ARHGEF9: variants seen among roughly 807,000 people sequenced by gnomAD.
ARHGEF9 encodes the protein rho guanine nucleotide exchange factor 9.
In ARHGEF9, 2 loss-of-function variants were observed where a neutral mutation model predicts 41.3. That is an observed-to-expected ratio of 0.05 (90% confidence interval 0.02 to 0.15). The LOEUF is 0.15. Ranked by LOEUF, ARHGEF9 falls within the 10% of genes least tolerant of loss-of-function variation. The pLI is 1.00. For synonymous variants in ARHGEF9, 160 were observed against 154.4 expected (o/e 1.04, Z -0.27); for missense variants, 225 against 424.7 (o/e 0.53, Z 4.13).
chrX:63,705,092 C>A (rs1569481010), intron 3 of ARHGEF9, among the ~76,000 whole-genome samples: 1 of 112,231 alleles, frequency 8.9e-6, no homozygotes. Context: ...CATTTTAACT[C>A]TTCAACAACC....
chrX:63,699,608 TTTTC>T (rs1221690937), intron 3 of ARHGEF9, among the ~76,000 whole-genome samples: 1 of 112,191 alleles, frequency 8.9e-6, no homozygotes, highest in Non-Finnish European at 1.9e-5. Context: ...AAGGAAATCA[TTTTC>T]TTTCTATTAT....
chrX:63,645,464 C>T (rs782627970), intron 8 of ARHGEF9, among the ~76,000 whole-genome samples: 3 of 110,994 alleles, frequency 2.7e-5, no homozygotes, highest in East Asian at 2.8e-4. Context: ...TACCTATGAG[C>T]GAGAACGTGC....
At chrX:63,731,902 T>C (rs1337122824) in intron 1 of ARHGEF9, 1 of 111,361 alleles carries the variant, frequency 9.0e-6, no homozygotes, top group Non-Finnish European at 1.9e-5. Flanking sequence ...ACTGGAACCA[T>C]ACAGATGACC....
chrX:63,698,397 G>C (rs2051923960), intron 3 of ARHGEF9, among the ~76,000 whole-genome samples: 1 of 110,307 alleles, frequency 9.1e-6, no homozygotes, highest in Non-Finnish European at 1.9e-5. Context: ...TCTTCCATTT[G>C]GAACCTACTA....
At chrX:63,647,130 C>A (rs782677165) in intron 8 of ARHGEF9, among the ~76,000 whole-genome samples, 2 of 111,294 alleles carry the variant, frequency 1.8e-5, no homozygotes, top group Admixed American at 1.9e-4. Flanking sequence ...GAGATTTTGG[C>A]CTGAGACGAT....
In ARHGEF9 at chrX:63,670,580, T is replaced by C. The variant is rs1381202612; in HGVS notation, c.945+3458A>G. Among the ~76,000 whole-genome samples, 6 of 111,233 alleles carry C rather than the reference T, an allele frequency of 5.4e-5. No individual in the cohort carries two copies. In the East Asian group the frequency reaches 1.7e-3, roughly 31 times the overall value. On this transcript the variant is annotated intron_variant, in intron 6 of 9. Coordinates refer to ENST00000671741, the MANE Select transcript of ARHGEF9 (RefSeq NM_001353921.2). ...AAGAAGCTATCCAGGATATGTTACC[T>C]TTCCCTTGTTTTCAAGTGGATTAAA...
At position 63,665,881 on chromosome X, in the gene ARHGEF9, G is replaced by A. The variant is rs2049507995; in HGVS notation, c.1077+5C>T. ...CTCCCTCAGGGAAGAAGGGGGCAGG[G>A]TTACCTTCTTGCAGAGGACCATCTG... On this transcript the variant is annotated splice_donor_5th_base_variant and intron_variant, in intron 7 of 9. Coordinates refer to ENST00000671741, the MANE Select transcript of ARHGEF9 (RefSeq NM_001353921.2). 3.3e-6 allele frequency: 4 copies of A among 1,210,429 alleles called. No individual in the cohort carries two copies. Among genetic ancestry groups the A allele is most frequent in the Non-Finnish European group, 4.5e-6 (4 of 894,979 alleles).
At chrX:63,719,461 C>A (rs1454039714) in intron 2 of ARHGEF9, among the ~76,000 whole-genome samples, 2 of 112,163 alleles carry the variant, frequency 1.8e-5, no homozygotes, top group African/African-American at 6.5e-5. Flanking sequence ...CAGAAGGGGA[C>A]AACATCACTA....
intron 2 of ARHGEF9, 38 bp from the exon 3 acceptor site, chrX:63,706,487 T>G (rs2052554043): frequency 8.6e-7 from 1 of 1,167,233 alleles, no homozygotes; most frequent in African/African-American, 1.8e-5. Flanking sequence ...TGAGTTAGCT[T>G]CCTTCTTTGG....
chrX:63,735,948 G>A (rs2147693383), intron 1 of ARHGEF9, among the ~76,000 whole-genome samples: 1 of 112,060 alleles, frequency 8.9e-6, no homozygotes, highest in South Asian at 3.7e-4. Flanking sequence ...CAAGGCCAAG[G>A]CACCTAGCAA....
intron 1 of ARHGEF9, among the ~76,000 whole-genome samples, chrX:63,728,750 C>G (rs1556418627): frequency 8.9e-6 from 1 of 111,768 alleles, no homozygotes; most frequent in Admixed American, 9.5e-5. Flanking sequence ...TAGTACAAGA[C>G]TTCAGAGAAA....
rs1314331315 is a variant in ARHGEF9, at chrX:63,707,201, TG to T, written c.211-753del. Reference sequence around the variant, plus strand: ...CTCTAGAGCCTATGCTTTTAAACACTGTGCTAGAATCTTTGTGCCTCTGGTT... The same window carrying T: ...CTCTAGAGCCTATGCTTTTAAACACTTGCTAGAATCTTTGTGCCTCTGGTT... On this transcript the variant is annotated intron_variant, in intron 2 of 9. Transcript: ENST00000671741. Among the ~76,000 whole-genome samples the T allele has an allele frequency of 7.2e-5, 8 of 110,694 alleles. No individual in the cohort carries two copies. In the East Asian group the frequency reaches 2.0e-3, roughly 28 times the overall value.
chrX:63,757,972 T>C (rs1222033025), intron 1 of ARHGEF9, among the ~76,000 whole-genome samples: 2 of 112,237 alleles, frequency 1.8e-5, no homozygotes, highest in African/African-American at 6.5e-5. Flanking sequence ...ATGCACAGTA[T>C]TTAGAAGGAG....
chrX:63,752,073 C>CA (rs376772080), intron 1 of ARHGEF9, among the ~76,000 whole-genome samples: 1,282 of 110,807 alleles, frequency 0.012, 22 homozygotes, highest in African/African-American at 0.04. Context: ...AATAACTAGG[C>CA]AAAAAAAACC....
intron 6 of ARHGEF9, among the ~76,000 whole-genome samples, chrX:63,667,624 G>A (rs1471495461): frequency 9.0e-6 from 1 of 110,647 alleles, no homozygotes; most frequent in Non-Finnish European, 1.9e-5. Context: ...GTGTATTCGA[G>A]CATACCATTT....
chrX:63,678,730 AAAC>A (rs1556365750), intron 4 of ARHGEF9, among the ~76,000 whole-genome samples, 158 bp from the exon 5 acceptor site: 1 of 112,620 alleles, frequency 8.9e-6, no homozygotes, highest in Non-Finnish European at 1.9e-5. Flanking sequence ...ATAAATATCA[AAAC>A]AAATTATTCA....
At chrX:63,714,017 T>A (rs1425905327) in intron 2 of ARHGEF9, among the ~76,000 whole-genome samples, 5 of 111,750 alleles carry the variant, frequency 4.5e-5, no homozygotes, top group Non-Finnish European at 7.5e-5. Flanking sequence ...GCAATGAAAA[T>A]TTTTGTTATA....
chrX:63,723,309 T>C (rs1227279296), intron 2 of ARHGEF9, among the ~76,000 whole-genome samples: 6 of 111,522 alleles, frequency 5.4e-5, no homozygotes, highest in Non-Finnish European at 9.4e-5. Flanking sequence ...CCAAAAGCTA[T>C]AGAGCTAGAA....
At chrX:63,695,215 C>T (rs1376529835) in intron 4 of ARHGEF9, among the ~76,000 whole-genome samples, 13 of 112,005 alleles carry the variant, frequency 1.2e-4, no homozygotes, top group African/African-American at 4.2e-4. Context: ...AAACATCCTA[C>T]AATGTACAGG....
Sources: allele counts gnomAD v4.1 joint callset (sites outside exome capture counted in the v4.1 genomes callset), GRCh38; gene constraint gnomAD v4.1.1; transcripts MANE v1.5; gene names NCBI Gene and HGNC (gene_info 2026-07-23, HGNC 2026-07-21).